PHF20: variants seen among roughly 807,000 people sequenced by gnomAD.
PHF20 encodes PHD finger protein 20, also known as glioma-expressed antigen 2.
In PHF20, 23 loss-of-function variants were observed where a neutral mutation model predicts 113.5. That is an observed-to-expected ratio of 0.20 (90% CI 0.15 to 0.29). The LOEUF is 0.29. Ranked by LOEUF, PHF20 falls within the 10% of genes least tolerant of loss-of-function variation. The pLI, the probability that PHF20 is intolerant of heterozygous loss-of-function variation, is 1.00. For missense variants in PHF20, 943 were observed against 1,219.6 expected (o/e 0.77, Z 3.38); for synonymous variants, 434 against 457.3 (o/e 0.95, Z 0.65).
At chr20:35,804,298 ATC>A (rs1252436303) in intron 2 of PHF20, among the ~76,000 whole-genome samples, 2 of 140,320 alleles carry the variant, frequency 1.4e-5, no homozygotes, top group Non-Finnish European at 3.0e-5. Flanking sequence ...CAGTGGCTCG[ATC>A]TCTCCTCACT....
At chr20:35,871,514 T>C in intron 8 of PHF20, 136 bp from the exon 9 acceptor site, 1 of 673,156 alleles carries the variant, frequency 1.5e-6, no homozygotes, top group Non-Finnish European at 2.3e-6. Context: ...TATGGGAACC[T>C]GTGAATGTAT....
chr20:35,925,076 C>G (rs77568402), intron 13 of PHF20, among the ~76,000 whole-genome samples: 1 of 152,050 alleles, frequency 6.6e-6, no homozygotes, highest in African/African-American at 2.4e-5. Flanking sequence ...TCTCTTTCAG[C>G]GATTCATCTG....
At chr20:35,906,643 T>C (rs1443539923) in intron 10 of PHF20, among the ~76,000 whole-genome samples, 1 of 152,192 alleles carries the variant, frequency 6.6e-6, no homozygotes, top group Admixed American at 6.5e-5. Flanking sequence ...TGCTTATCTT[T>C]CAGCTGCTGG....
chr20:35,899,788 T>C (rs2055060834), intron 10 of PHF20, 140 bp downstream of exon 10: 1 of 895,960 alleles, frequency 1.1e-6, no homozygotes, highest in Non-Finnish European at 1.7e-6. Flanking sequence ...TAAGTGATCC[T>C]CTGGGCTGTG....
chr20:35,772,597 G>C (rs1024317649), intron 1 of PHF20, among the ~76,000 whole-genome samples: 2 of 151,988 alleles, frequency 1.3e-5, no homozygotes, highest in East Asian at 3.9e-4. Flanking sequence ...AAAACTGGGC[G>C]GCACACCCCC....
intron 1 of PHF20, among the ~76,000 whole-genome samples, chr20:35,787,279 A>G (rs2041440681): frequency 6.6e-6 from 1 of 152,002 alleles, no homozygotes; most frequent in South Asian, 2.1e-4. Flanking sequence ...TCCCAGGTTC[A>G]AGCGATTCTC....
intron 13 of PHF20, among the ~76,000 whole-genome samples, chr20:35,924,496 A>T (rs1322702662): frequency 2.6e-5 from 4 of 151,278 alleles, no homozygotes; most frequent in Non-Finnish European, 5.9e-5. Context: ...GCCTGGCCGC[A>T]TGTATAGTAT....
At chr20:35,809,919 AGTTT>A (rs746921811) in intron 2 of PHF20, among the ~76,000 whole-genome samples, 40 of 152,030 alleles carry the variant, frequency 2.6e-4, no homozygotes, top group Non-Finnish European at 2.1e-4. Context: ...AACCAAGGAC[AGTTT>A]GTTTGTTTGT....
chr20:35,834,068 A>C (rs548750458), intron 2 of PHF20, among the ~76,000 whole-genome samples: 1 of 149,954 alleles, frequency 6.7e-6, no homozygotes, highest in Admixed American at 6.7e-5. Context: ...AAAAATAAAT[A>C]AATAAATAAA....
At chr20:35,925,733 G>A (rs6121089) in intron 13 of PHF20, among the ~76,000 whole-genome samples, 14,190 of 150,526 alleles carry the variant, frequency 0.094, 1,077 homozygotes, top group African/African-American at 0.2. Flanking sequence ...ACATGCTTAT[G>A]GTTATTCTTA....
At chr20:35,816,402 A>G (rs1237779785) in intron 2 of PHF20, among the ~76,000 whole-genome samples, 1 of 151,960 alleles carries the variant, frequency 6.6e-6, no homozygotes, top group African/African-American at 2.4e-5. Context: ...AAAAATGTAT[A>G]TCTTACTCAG....
At chr20:35,855,877 C>A (rs907666746) in intron 4 of PHF20, among the ~76,000 whole-genome samples, 9 of 152,088 alleles carry the variant, frequency 5.9e-5, no homozygotes, top group African/African-American at 2.2e-4. Context: ...CAGGGTTTCA[C>A]CATGTTGGCC....
At chr20:35,783,599 T>A (rs1040409305) in intron 1 of PHF20, among the ~76,000 whole-genome samples, 29 of 151,326 alleles carry the variant, frequency 1.9e-4, no homozygotes, top group Non-Finnish European at 2.8e-4. Context: ...TTTTTTTTTT[T>A]ATTATTTATA....
chr20:35,865,504 T>TTG (rs1163114661), intron 6 of PHF20, among the ~76,000 whole-genome samples: 2 of 109,794 alleles, frequency 1.8e-5, no homozygotes, highest in African/African-American at 6.7e-5. Flanking sequence ...TGTGTTTTTT[T>TTG]TTTTTTTTTT....
At chr20:35,922,677 A>G (rs1346106652) in intron 13 of PHF20, among the ~76,000 whole-genome samples, 1 of 152,260 alleles carries the variant, frequency 6.6e-6, no homozygotes, top group Non-Finnish European at 1.5e-5. Context: ...TGATATTTAA[A>G]TTATTTTAAT....
chr20:35,830,855 C>T (rs939676569), intron 2 of PHF20, among the ~76,000 whole-genome samples: 2 of 151,898 alleles, frequency 1.3e-5, no homozygotes, highest in Non-Finnish European at 2.9e-5. Context: ...GCCCAGCATC[C>T]ATTAGCTCTT....
At chr20:35,848,070 G>A (rs2042654643) in intron 4 of PHF20, among the ~76,000 whole-genome samples, 1 of 152,158 alleles carries the variant, frequency 6.6e-6, no homozygotes, top group African/African-American at 2.4e-5. Flanking sequence ...ACCATTGTAA[G>A]CACATTCCAC....
At chr20:35,897,693 G>T (rs1157135235) in intron 9 of PHF20, among the ~76,000 whole-genome samples, 2 of 149,268 alleles carry the variant, frequency 1.3e-5, no homozygotes, top group Non-Finnish European at 3.0e-5. Context: ...CAGCCTTCTG[G>T]GTAGCTGGGA....
chr20:35,902,998 T>G (rs1428099472), intron 10 of PHF20, among the ~76,000 whole-genome samples: 4 of 151,106 alleles, frequency 2.6e-5, no homozygotes, highest in African/African-American at 9.7e-5. Flanking sequence ...GAAGCCTGAG[T>G]GACTGATTTT....
Sources: gnomAD v4.1 joint callset for allele counts (sites outside exome capture counted in the v4.1 genomes callset) on GRCh38, gnomAD v4.1.1 for gene constraint, MANE v1.5 for transcripts, NCBI Gene and HGNC (gene_info 2026-07-23, HGNC 2026-07-21) for gene names.